LGR6: variants seen among roughly 807,000 people sequenced by gnomAD.
The protein encoded by LGR6 is leucine-rich repeat-containing G protein-coupled receptor 6.
A neutral mutation model predicts 69.4 loss-of-function variants in LGR6; 45 were observed. That is an observed-to-expected ratio of 0.65 (90% CI 0.51 to 0.83). LGR6 has a LOEUF of 0.83. LGR6 is among the 40% of genes least tolerant of loss of function. The pLI is 0.00. For synonymous variants in LGR6, 538 were observed against 555.0 expected (o/e 0.97, Z 0.43); for missense variants, 1,108 against 1,246.7 (o/e 0.89, Z 1.68).
chr1:202,293,563 T>A (rs1666946015), intron 6 of LGR6, among the ~76,000 whole-genome samples: 1 of 152,164 alleles, frequency 6.6e-6, no homozygotes, highest in Admixed American at 6.5e-5. Context: ...TCTTTGTGTA[T>A]TGCAAGGAGG....
intron 5 of LGR6, among the ~76,000 whole-genome samples, chr1:202,277,484 A>G (rs573748110): frequency 5.9e-4 from 90 of 152,250 alleles, no homozygotes; most frequent in African/African-American, 2.1e-3. Context: ...TAGAGAGGGT[A>G]AACAGAACAA....
intron 3 of LGR6, among the ~76,000 whole-genome samples, chr1:202,234,199 G>A (rs1348824684): frequency 1.3e-5 from 2 of 152,210 alleles, no homozygotes; most frequent in Admixed American, 1.3e-4. Context: ...CCTGCAGCCA[G>A]GCCCTTCCCT....
chr1:202,281,555 T>C (rs537480245), intron 6 of LGR6, among the ~76,000 whole-genome samples: 1 of 152,180 alleles, frequency 6.6e-6, no homozygotes, highest in South Asian at 2.1e-4. Flanking sequence ...CTGGCTGGGC[T>C]CTCCAAGTGT....
At chr1:202,242,133 G>A (rs1662260919) in intron 4 of LGR6, among the ~76,000 whole-genome samples, 1 of 152,146 alleles carries the variant, frequency 6.6e-6, no homozygotes, top group South Asian at 2.1e-4. Context: ...ATTTCAATAT[G>A]CTAAGCACAT....
chr1:202,286,836 G>A (rs1019906791), intron 6 of LGR6, among the ~76,000 whole-genome samples: 2 of 152,104 alleles, frequency 1.3e-5, no homozygotes, highest in Admixed American at 6.6e-5. Context: ...TGACCGTGAC[G>A]AGTTATTAAT....
intron 1 of LGR6, among the ~76,000 whole-genome samples, chr1:202,225,016 A>C (rs1216998462): frequency 6.6e-6 from 1 of 152,254 alleles, no homozygotes; most frequent in Non-Finnish European, 1.5e-5. Flanking sequence ...ACTAGTAAAA[A>C]GAGTGGGTGA....
At chr1:202,257,650 GACTCTGA>G (rs1663882149) in intron 4 of LGR6, among the ~76,000 whole-genome samples, 1 of 152,000 alleles carries the variant, frequency 6.6e-6, no homozygotes, top group African/African-American at 2.4e-5. Flanking sequence ...TTTATTTCTG[GACTCTGA>G]ATTCTATTCA....
intron 5 of LGR6, among the ~76,000 whole-genome samples, chr1:202,279,522 G>A (rs1273681644): frequency 1.3e-5 from 2 of 152,172 alleles, no homozygotes; most frequent in Non-Finnish European, 2.9e-5. Flanking sequence ...GTTTAACTAG[G>A]ATATGTCACA....
chr1:202,239,344 GGTGTGTGTGTGTGTGTGTGTGTGTGT>G (rs36157781), intron 4 of LGR6, among the ~76,000 whole-genome samples: 1 of 144,154 alleles, frequency 6.9e-6, no homozygotes, highest in Non-Finnish European at 1.5e-5. Context: ...GTGTGTGTGT[GGTGTGTGTGTGTGTGTGTGTGTGTGT>G]GTGTGTGTGT....
chr1:202,296,626 CT>C (rs1328963737), intron 6 of LGR6, among the ~76,000 whole-genome samples: 2 of 152,312 alleles, frequency 1.3e-5, no homozygotes, highest in East Asian at 3.9e-4. Flanking sequence ...TTCTCTTGCC[CT>C]GTCATCTCCA....
chr1:202,225,641 G>C, intron 2 of LGR6, 147 bp downstream of exon 2: 1 of 637,686 alleles, frequency 1.6e-6, no homozygotes, highest in Non-Finnish European at 2.7e-6. Context: ...TTCTTCAGCT[G>C]ACACCTGCCC....
At chr1:202,253,620 CTTTTTTTTTTTTTT>C (rs71141468) in intron 4 of LGR6, among the ~76,000 whole-genome samples, 1 of 52,460 alleles carries the variant, frequency 1.9e-5, no homozygotes, top group Non-Finnish European at 3.6e-5. Flanking sequence ...TCCTACTATT[CTTTTTTTTTTTTTT>C]TTTTTTTTTT....
rs187399709 is a variant in LGR6 at position 202,279,295 on chromosome 1, G to A, written c.645-1486G>A. On this transcript the variant is annotated intron_variant, in intron 5 of 17. Coordinates refer to ENST00000367278, the MANE Select transcript of LGR6 (RefSeq NM_001017403.2). The stretch of plus-strand genomic sequence containing the variant: ...GGACAGGAGTCTGTCTCCTGAAACG[G>A]AACTTCATGGAGCAGGTGGGTAAGG... Among the ~76,000 whole-genome samples the A allele has an allele frequency of 7.2e-5, 11 of 152,320 alleles. No homozygotes were observed. In the East Asian group the frequency reaches 1.9e-3, roughly 27 times the overall value.
At chr1:202,283,844 C>T (rs1571961429) in intron 6 of LGR6, among the ~76,000 whole-genome samples, 2 of 152,354 alleles carry the variant, frequency 1.3e-5, no homozygotes, top group South Asian at 4.1e-4. Context: ...GCAACACACC[C>T]TCTGTTATGC....
At chr1:202,211,755 A>G (rs1312048835) in intron 1 of LGR6, among the ~76,000 whole-genome samples, 2 of 152,194 alleles carry the variant, frequency 1.3e-5, no homozygotes, top group African/African-American at 4.8e-5. Context: ...AAGCAAATAC[A>G]CTTGTGTAAC....
chr1:202,300,883 G>A lies in LGR6; in HGVS notation c.820G>A (p.Glu274Lys). ...FHNNNIKAIP[E>K]KAFMGNPLLQ... ...TAACAACAACATCAAGGCCATCCCA[G>A]AAAAGGCCTTCATGGGGAACCCTCT... Residue 274 changes from glutamate (E) to lysine (K), a missense_variant, in exon 8 of 18, where the codon GAA (glutamate) becomes AAA (lysine). By Grantham distance (56) the Glu-to-Lys change is moderately conservative. Transcript: ENST00000367278. The A allele has an allele frequency of 1.9e-6, 3 of 1,612,690 alleles. No individual in the cohort carries two copies. The highest frequency in any genetic ancestry group is 2.5e-6 in the Non-Finnish European group (3 of 1,179,500).
chr1:202,268,947 C>T lies in LGR6; in HGVS notation c.429-7359C>T, dbSNP rs2148133244. ...TGGAAATAGGGTCTCACTTTGTTGC[C>T]CAGGCTGGAGTGAAGTGGTGTGAAC... On this transcript the variant is annotated intron_variant, in intron 4 of 17. Transcript: ENST00000367278. The surrounding 1 kb of genome is among the most constrained non-coding windows in gnomAD (Gnocchi z 4.4). Among the ~76,000 whole-genome samples the T allele has an allele frequency of 6.6e-6, 1 of 152,204 alleles. No homozygotes were observed. The highest frequency in any genetic ancestry group is 2.4e-5 in the African/African-American group (1 of 41,518).
intron 1 of LGR6, among the ~76,000 whole-genome samples, chr1:202,215,699 C>G (rs535842568): frequency 6.6e-6 from 1 of 152,292 alleles, no homozygotes; most frequent in Admixed American, 6.5e-5. Context: ...TGTCCAGGAC[C>G]CGCAGGTGGG....
At chr1:202,295,382 A>T (rs1424011613) in intron 6 of LGR6, among the ~76,000 whole-genome samples, 2 of 150,768 alleles carry the variant, frequency 1.3e-5, no homozygotes, top group Non-Finnish European at 3.0e-5. Flanking sequence ...CATGTCATTT[A>T]TGGGAAATCT....
Sources: gnomAD v4.1 joint callset for allele counts (sites outside exome capture counted in the v4.1 genomes callset) on GRCh38, gnomAD v4.1.1 for gene constraint, Gnocchi (gnomAD v3.1) non-coding constraint, MANE v1.5 for transcripts, NCBI Gene and HGNC (gene_info 2026-07-23, HGNC 2026-07-21) for gene names.